The following LRFN2 variants were observed in gnomAD, a reference collection of about 807,000 sequenced individuals.
LRFN2 encodes leucine rich repeat and fibronectin type III domain containing 2.
LRFN2 carries 18 observed loss-of-function variants against 37.3 expected under a neutral mutation model. The observed-to-expected ratio is 0.48, with a 90% CI of 0.33 to 0.72. LRFN2 has a LOEUF of 0.72. LRFN2 is among the 30% of genes least tolerant of loss of function. LRFN2 has a pLI of 0.02. For synonymous variants in LRFN2, 556 were observed against 466.6 expected (o/e 1.19, Z -2.47); for missense variants, 1,006 against 1,060.7 (o/e 0.95, Z 0.72).
chr6:40,551,390 A>G (rs414931), intron 1 of LRFN2, among the ~76,000 whole-genome samples: 19,143 of 152,188 alleles, frequency 0.13, 1,388 homozygotes, highest in Non-Finnish European at 0.16. Flanking sequence ...CAGAAGACAG[A>G]ATATAGAGCC....
At chr6:40,474,003 C>T (rs1561870122) in intron 1 of LRFN2, among the ~76,000 whole-genome samples, 1 of 152,158 alleles carries the variant, frequency 6.6e-6, no homozygotes, top group African/African-American at 2.4e-5. Context: ...GTGTTCCTGG[C>T]ACACAGCAGG....
chr6:40,502,577 T>C (rs935959543), intron 1 of LRFN2, among the ~76,000 whole-genome samples: 3 of 152,160 alleles, frequency 2.0e-5, no homozygotes, highest in Non-Finnish European at 4.4e-5. Flanking sequence ...CGATGGGGAA[T>C]TGGAAGGCAA....
At chr6:40,515,316 G>T (rs1211215115) in intron 1 of LRFN2, among the ~76,000 whole-genome samples, 1 of 152,180 alleles carries the variant, frequency 6.6e-6, no homozygotes, top group African/African-American at 2.4e-5. Context: ...TGGAAACTGT[G>T]TGCTGACCTG....
chr6:40,563,010 G>C (rs1767028479), intron 1 of LRFN2, among the ~76,000 whole-genome samples: 1 of 152,108 alleles, frequency 6.6e-6, no homozygotes, highest in Admixed American at 6.5e-5. Context: ...AGTGTTATAA[G>C]CATGTCTCCC....
At chr6:40,562,512 C>A (rs1192224633) in intron 1 of LRFN2, among the ~76,000 whole-genome samples, 1 of 152,058 alleles carries the variant, frequency 6.6e-6, no homozygotes, top group East Asian at 1.9e-4. Context: ...AATTTCACAT[C>A]CCCAAGAGAA....
intron 1 of LRFN2, among the ~76,000 whole-genome samples, chr6:40,503,241 T>C (rs527545173): frequency 6.1e-4 from 93 of 152,036 alleles, no homozygotes; most frequent in Non-Finnish European, 1.2e-3. Context: ...AGTTTTGGTG[T>C]GGAAATTGGA....
intron 1 of LRFN2, among the ~76,000 whole-genome samples, chr6:40,465,171 A>G (rs915175260): frequency 6.6e-6 from 1 of 152,086 alleles, no homozygotes; most frequent in Non-Finnish European, 1.5e-5. Flanking sequence ...TAAGCTAAGG[A>G]GTGTGGGCAG....
chr6:40,560,699 G>C (rs1226959461), intron 1 of LRFN2, among the ~76,000 whole-genome samples: 2 of 152,234 alleles, frequency 1.3e-5, no homozygotes, highest in African/African-American at 2.4e-5. Context: ...CAGTAGAGCA[G>C]GATAGAATAG....
At chr6:40,506,600 C>T (rs12661083) in intron 1 of LRFN2, among the ~76,000 whole-genome samples, 10,017 of 152,078 alleles carry the variant, frequency 0.066, 700 homozygotes, top group African/African-American at 0.16. Context: ...AGCATGCTGG[C>T]GGGTTCCCCA....
At chr6:40,440,780 C>G (rs1763816463) in intron 1 of LRFN2, among the ~76,000 whole-genome samples, 1 of 152,162 alleles carries the variant, frequency 6.6e-6, no homozygotes, top group Non-Finnish European at 1.5e-5. Flanking sequence ...GCCTCAGTTG[C>G]CCTGCCCAGT....
intron 2 of LRFN2, among the ~76,000 whole-genome samples, chr6:40,417,218 G>A (rs907224572): frequency 1.9e-4 from 29 of 152,192 alleles, no homozygotes; most frequent in South Asian, 2.1e-4. Context: ...GCTCACACGC[G>A]GTGGCATTTT....
At chr6:40,463,385 T>C (rs1321989539) in intron 1 of LRFN2, among the ~76,000 whole-genome samples, 1 of 152,160 alleles carries the variant, frequency 6.6e-6, no homozygotes, top group African/African-American at 2.4e-5. Context: ...CCCCTGCTCC[T>C]AGTTTCAGTA....
At chr6:40,433,926 A>G (rs1443957121) in intron 1 of LRFN2, among the ~76,000 whole-genome samples, 1 of 152,176 alleles carries the variant, frequency 6.6e-6, no homozygotes, top group Non-Finnish European at 1.5e-5. Flanking sequence ...GGAAGGGATT[A>G]TCTATACACA....
chr6:40,525,352 G>A (rs1766222439), intron 1 of LRFN2, among the ~76,000 whole-genome samples: 1 of 152,158 alleles, frequency 6.6e-6, no homozygotes, highest in Non-Finnish European at 1.5e-5. Context: ...ACAACTAAAT[G>A]GTTTGCTTTC....
At chr6:40,521,272 G>C (rs949360940) in intron 1 of LRFN2, among the ~76,000 whole-genome samples, 1 of 152,188 alleles carries the variant, frequency 6.6e-6, no homozygotes, top group Non-Finnish European at 1.5e-5. Context: ...TGCCCTGAAG[G>C]CATGGGGATT....
Position 40,433,024 on chromosome 6 carries a change from C to T in LRFN2, c.90G>A (p.Leu30=), listed in dbSNP as rs2113825962. Residue 30 remains leucine, a synonymous_variant, in exon 2 of 3, where the codon CTG becomes CTA. Transcript: ENST00000338305. ...ACPKYCVCQN[L]SESLGTLCPS... is the part of the protein sequence containing the mutation. ...GGCACAGGGTCCCCAGTGACTCAGA[C>T]AGATTCTGGCAGACACAGTACTTGG... 1 of 1,598,566 alleles carries T rather than the reference C, an allele frequency of 6.3e-7. No individual in the cohort carries two copies. The highest frequency in any genetic ancestry group is 8.5e-7 in the Non-Finnish European group (1 of 1,172,466).
chr6:40,490,321 C>T (rs1581745201), intron 1 of LRFN2, among the ~76,000 whole-genome samples: 1 of 152,172 alleles, frequency 6.6e-6, no homozygotes, highest in East Asian at 1.9e-4. Context: ...ATGGCCGTGT[C>T]CATGCCTCAG....
intron 1 of LRFN2, among the ~76,000 whole-genome samples, chr6:40,436,700 C>G (rs1763686423): frequency 6.6e-6 from 1 of 152,200 alleles, no homozygotes; most frequent in Admixed American, 6.5e-5. Context: ...AAGCTTTCCA[C>G]CTGCCACCTT....
chr6:40,577,905 G>T (rs1439318168), intron 1 of LRFN2, among the ~76,000 whole-genome samples: 1 of 152,026 alleles, frequency 6.6e-6, no homozygotes, highest in African/African-American at 2.4e-5. Flanking sequence ...TGTTGGGGTG[G>T]GTAGGAATAT....
Sources: allele counts gnomAD v4.1 joint callset (sites outside exome capture counted in the v4.1 genomes callset), GRCh38; gene constraint gnomAD v4.1.1; transcripts MANE v1.5; gene names NCBI Gene and HGNC (gene_info 2026-07-23, HGNC 2026-07-21).